Variants in VPS26A observed in about 807,000 individuals in gnomAD.
VPS26A encodes VPS26 retromer complex component A.
Under a neutral mutation model 42.4 loss-of-function variants are expected in VPS26A, and 22 were observed. That is an observed-to-expected ratio of 0.52 (90% confidence interval 0.37 to 0.74). The LOEUF is 0.74. Among genes scored for constraint, VPS26A ranks in the 30% least tolerant of loss-of-function variants. The pLI is 0.00. For missense variants in VPS26A, 276 were observed against 379.2 expected, an observed-to-expected ratio of 0.73 and a Z score of 2.26; for synonymous variants, 110 against 123.5, an observed-to-expected ratio of 0.89 and a Z score of 0.73.
intron 8 of VPS26A, 149 bp from the exon 9 acceptor site, chr10:69,171,007 T>TAGAAGGGGCAGTCAA: frequency 1.6e-6 from 1 of 636,698 alleles, no homozygotes; most frequent in Non-Finnish European, 2.7e-6. Context: ...AGATTAGAGC[T>TAGAAGGGGCAGTCAA]GGAAGAAAGT....
At chr10:69,125,174 A>T (rs911816753) in intron 1 of VPS26A, among the ~76,000 whole-genome samples, 1 of 152,224 alleles carries the variant, frequency 6.6e-6, no homozygotes, top group East Asian at 1.9e-4. Flanking sequence ...TCACTGATTC[A>T]ATAGACTGCT....
At chr10:69,170,715 C>A (rs1841796715) in intron 8 of VPS26A, among the ~76,000 whole-genome samples, 1 of 152,168 alleles carries the variant, frequency 6.6e-6, no homozygotes, top group Admixed American at 6.6e-5. Flanking sequence ...CCTGGAGGCA[C>A]TGAGAACTAC....
Position 69,162,421 on chromosome 10 carries a change from T to C in VPS26A, c.567T>C (p.Asp189=). ...EYNKSKYHLK[D]VIVGKIYFLL... ...TCCCCAATAGGTATCATTTAAAGGA[T>C]GTGATTGTTGGAAAAATTTACTTCT... The change falls in exon 6 of 9, where the codon GAT becomes GAC. Residue 189 remains aspartate, a synonymous_variant. Transcript: ENST00000263559. 3.3e-6 allele frequency: 5 copies of C among 1,504,238 alleles called. No homozygotes were observed. The highest frequency in any genetic ancestry group is 4.6e-6 in the Non-Finnish European group (5 of 1,088,318). 93.2% of individuals were successfully genotyped at this position (1,504,238 alleles called of 1,614,324 possible). A position where few individuals can be genotyped will look rare whatever the true frequency, so the allele number is the denominator to read the frequency against.
Position 69,132,912 on chromosome 10 carries a change from C to T in VPS26A, c.18C>T (p.Gly6=), listed in dbSNP as rs1352763406. The change falls in exon 2 of 9, where the codon GGC becomes GGT. Residue 6 remains glycine, a synonymous_variant. Coordinates refer to ENST00000263559, the MANE Select transcript of VPS26A (RefSeq NM_004896.5). The part of the protein sequence containing the change: MSFLG[G]FFGPICEIDI... ...TTTTATTTCAGAGTTTTCTTGGAGG[C>T]TTTTTTGGTCCAATTTGTGAGATCG... 6.3e-7 allele frequency: 1 copy of T among 1,584,422 alleles called. No individual in the cohort carries two copies. The highest frequency in any genetic ancestry group is 8.5e-7 in the Non-Finnish European group (1 of 1,172,216).
rs978293866 is a variant in VPS26A, at chr10:69,171,281, G to A, written c.*12G>A. Reference sequence around the variant, plus strand: ...AGCCTGAAATGTGAACTGAACAGGAGAAAAAAAGAAAAGCAAAAAACTCCT... The same window carrying A: ...AGCCTGAAATGTGAACTGAACAGGAAAAAAAAAGAAAAGCAAAAAACTCCT... On this transcript the variant is annotated 3_prime_UTR_variant, in exon 9 of 9. Coordinates refer to ENST00000263559, the MANE Select transcript of VPS26A (RefSeq NM_004896.5). 2 of 1,597,820 alleles carry A rather than the reference G, an allele frequency of 1.3e-6. No individual in the cohort carries two copies. Among genetic ancestry groups the A allele is most frequent in the African/African-American group, 1.4e-5 (1 of 73,608 alleles).
At position 69,152,888 on chromosome 10, in the gene VPS26A, T is replaced by C. The variant is rs1841346073; in HGVS notation, c.154-2924T>C. On this transcript the variant is annotated intron_variant, in intron 2 of 8. Transcript: ENST00000263559. ...AGGAGGCTGAGGCAGGAGAATGGCA[T>C]GAACCTGGAAGGCAGAGCTTGCAGT... Among the ~76,000 whole-genome samples, 9 of 151,030 alleles carry C rather than the reference T, an allele frequency of 6.0e-5. 1 individual carries two copies. The South Asian group carries it at 1.9e-3, about 31-fold the overall frequency.
chr10:69,127,638 A>G (rs1184368075), intron 1 of VPS26A, among the ~76,000 whole-genome samples: 2 of 150,322 alleles, frequency 1.3e-5, no homozygotes, highest in African/African-American at 2.5e-5. Context: ...TACTCAACCT[A>G]TTACTTTTTT....
chr10:69,160,431 T>C (rs1841531156), intron 5 of VPS26A, among the ~76,000 whole-genome samples: 1 of 151,632 alleles, frequency 6.6e-6, no homozygotes, highest in Non-Finnish European at 1.5e-5. Flanking sequence ...GTGCTGGGAT[T>C]ATAGGCATGA....
chr10:69,165,276 G>A (rs1841661591), intron 6 of VPS26A, among the ~76,000 whole-genome samples: 1 of 151,844 alleles, frequency 6.6e-6, no homozygotes. Flanking sequence ...CACTTTATAA[G>A]AATTTATAGT....
chr10:69,159,935 G>GTGCC lies in VPS26A; in HGVS notation c.551+1725_551+1728dup, dbSNP rs531367059. ...AAGTTTGTTTGTTGAAGAAATGGATGTGCCCTGTATTATCCCTTTCATACC... is the reference window on the plus strand; with the variant it reads ...AAGTTTGTTTGTTGAAGAAATGGATGTGCCTGCCCTGTATTATCCCTTTCATACC... On this transcript the variant is annotated intron_variant, in intron 5 of 8. Transcript: ENST00000263559. Among the ~76,000 whole-genome samples, 631 of 152,092 alleles carry GTGCC rather than the reference G, an allele frequency of 4.1e-3. 6 individuals are homozygous for GTGCC. Among genetic ancestry groups the GTGCC allele is most frequent in the African/African-American group, 0.012 (510 of 41,482 alleles).
At chr10:69,163,141 T>C (rs1328654356) in intron 6 of VPS26A, among the ~76,000 whole-genome samples, 2 of 152,242 alleles carry the variant, frequency 1.3e-5, no homozygotes, top group African/African-American at 2.4e-5. Flanking sequence ...TTTATTGATA[T>C]ACTAAAATTG....
chr10:69,131,303 C>T (rs1171027652), intron 1 of VPS26A, among the ~76,000 whole-genome samples: 1 of 152,146 alleles, frequency 6.6e-6, no homozygotes, highest in Non-Finnish European at 1.5e-5. Flanking sequence ...AAAGATCATT[C>T]AGAGCCAGGT....
chr10:69,134,984 G>A (rs1170484222), intron 2 of VPS26A, among the ~76,000 whole-genome samples: 2 of 152,078 alleles, frequency 1.3e-5, no homozygotes, highest in African/African-American at 2.4e-5. Flanking sequence ...ATCATCAAAA[G>A]GATGGAGCAT....
In VPS26A at chr10:69,173,221, C is replaced by G. The variant is rs1218480843; in HGVS notation, c.*1952C>G. Among the ~76,000 whole-genome samples the G allele has an allele frequency of 1.3e-5, 2 of 152,150 alleles. No homozygotes were observed. Among genetic ancestry groups the G allele is most frequent in the African/African-American group, 4.8e-5 (2 of 41,434 alleles). On this transcript the variant is annotated 3_prime_UTR_variant, in exon 9 of 9. Coordinates refer to ENST00000263559, the MANE Select transcript of VPS26A (RefSeq NM_004896.5). ...TTAATGAAGAGTTACAATGTCTAAT[C>G]CATTGGTTCTCAACCCTGGCTGCAT...
chr10:69,172,219 T>C lies in VPS26A; in HGVS notation c.*950T>C, dbSNP rs554431118. 1.3e-5 allele frequency: 2 copies of C among 152,356 alleles called. No individual in the cohort carries two copies. Among genetic ancestry groups the C allele is most frequent in the East Asian group, 1.9e-4 (1 of 5,194 alleles). The allele number at this position is 152,356 out of a possible 1,614,324, so 9.4% of individuals were successfully genotyped here. ...GGAGGACCTGTGAAGCATGTAGTTA[T>C]CTAGATCTGGGTAATTTCATGTTTA... is the stretch of plus-strand genomic sequence containing the variant. On this transcript the variant is annotated 3_prime_UTR_variant, in exon 9 of 9. Transcript: ENST00000263559.
In VPS26A at chr10:69,133,033, T is replaced by TC; in HGVS notation, c.141dup (p.Val48ArgfsTer10). On this transcript the variant is annotated frameshift_variant, in exon 2 of 9. Transcript: ENST00000263559. LOFTEE classifies it high-confidence loss of function. ...ACACTATCTCTTCTATGACGGAGAA[T>TC]CCGTTTCAGGAAAGGTAAATCTTCT... 6.2e-7 allele frequency: 1 copy of TC among 1,603,746 alleles called. No homozygotes were observed. The highest frequency in any genetic ancestry group is 8.5e-7 in the Non-Finnish European group (1 of 1,177,738).
At chr10:69,168,693 C>T (rs1841747758) in intron 8 of VPS26A, 62 bp downstream of exon 8, 34 of 1,571,772 alleles carry the variant, frequency 2.2e-5, no homozygotes, top group Non-Finnish European at 2.9e-5. Context: ...CTCGAAAGCA[C>T]TCTTCTAAGC....
chr10:69,128,367 G>A (rs987429491), intron 1 of VPS26A, among the ~76,000 whole-genome samples: 14 of 151,824 alleles, frequency 9.2e-5, no homozygotes, highest in African/African-American at 3.4e-4. Flanking sequence ...GCATAGCTGG[G>A]ACTACAAGTG....
intron 2 of VPS26A, among the ~76,000 whole-genome samples, chr10:69,155,145 GAAA>G (rs10618581): frequency 2.7e-5 from 4 of 150,716 alleles, no homozygotes; most frequent in East Asian, 2.0e-4. Context: ...GTCCTTTCTG[GAAA>G]AAAAAAAAAG....
Sources: gnomAD v4.1 joint callset for allele counts (sites outside exome capture counted in the v4.1 genomes callset) on GRCh38, gnomAD v4.1.1 for gene constraint, MANE v1.5 for transcripts, NCBI Gene and HGNC (gene_info 2026-07-23, HGNC 2026-07-21) for gene names.